CEP78: variants seen among roughly 807,000 people sequenced by gnomAD.
CEP78 encodes the protein centrosomal protein 78, also known as centrosomal protein of 78 kDa.
CEP78 carries 76 observed loss-of-function variants against 81.2 expected under a neutral mutation model. The ratio of observed to expected loss-of-function variants is 0.94; its 90% CI spans 0.78 to 1.13. CEP78 has a LOEUF of 1.13. Among genes scored for constraint, CEP78 ranks in the 50% most tolerant of loss-of-function variants. CEP78 has a pLI of 0.00. For missense variants in CEP78, 918 were observed against 846.8 expected, an observed-to-expected ratio of 1.08 and a Z score of -1.04; for synonymous variants, 293 against 301.4, an observed-to-expected ratio of 0.97 and a Z score of 0.29.
At chr9:78,242,599 T>A (rs1268049502) in intron 4 of CEP78, among the ~76,000 whole-genome samples, 2 of 152,244 alleles carry the variant, frequency 1.3e-5, no homozygotes, top group Non-Finnish European at 2.9e-5. Context: ...ATCTAAGTGT[T>A]TGCTGTTATT....
intron 11 of CEP78, among the ~76,000 whole-genome samples, chr9:78,256,760 T>C (rs568824451): frequency 5.9e-5 from 9 of 152,032 alleles, no homozygotes; most frequent in Non-Finnish European, 1.0e-4. Flanking sequence ...TATGTCCTGA[T>C]AGGACCAGAG....
At chr9:78,250,717 C>T (rs1421967712) in intron 8 of CEP78, among the ~76,000 whole-genome samples, 2 of 151,912 alleles carry the variant, frequency 1.3e-5, no homozygotes, top group South Asian at 2.1e-4. Context: ...CCAGCCTGGG[C>T]GACAGAGCGA....
chr9:78,248,469 C>A, intron 7 of CEP78, 114 bp downstream of exon 7: 3 of 700,512 alleles, frequency 4.3e-6, no homozygotes, highest in South Asian at 3.4e-5. Context: ...GATCTTCCCC[C>A]TTCCCAGCTT....
chr9:78,238,698 A>G (rs1474711935), intron 1 of CEP78, among the ~76,000 whole-genome samples: 7 of 152,164 alleles, frequency 4.6e-5, no homozygotes, highest in African/African-American at 1.7e-4. Flanking sequence ...ATTATTCTCT[A>G]CATCTCATTC....
chr9:78,236,725 G>A (rs1283054058), intron 1 of CEP78, 122 bp downstream of exon 1: 19 of 1,296,252 alleles, frequency 1.5e-5, no homozygotes, highest in Non-Finnish European at 2.0e-5. Flanking sequence ...ACACTCACGA[G>A]CTAGGTGAGT....
rs757369088 is a variant in CEP78 at position 78,241,678 on chromosome 9, T to G, written c.500-18T>G. On this transcript the variant is annotated intron_variant, in intron 3 of 16. Coordinates refer to ENST00000643273, the MANE Select transcript of CEP78 (RefSeq NM_001330691.3). ...ATGCTCTTCATCTTATTGTATGTGG[T>G]TTTTTTTTCCATTTTAGTTATTTGT... The G allele has an allele frequency of 1.7e-5, 21 of 1,252,546 alleles. No homozygotes were observed. The highest frequency in any genetic ancestry group is 2.3e-5 in the East Asian group (1 of 42,606). 77.6% of individuals were successfully genotyped at this position (1,252,546 alleles called of 1,614,324 possible). A position where few individuals can be genotyped will look rare whatever the true frequency, so the allele number is the denominator to read the frequency against.
rs1826334768 is a variant in CEP78 at position 78,243,583 on chromosome 9, A to C, written c.725A>C (p.Asp242Ala). The C allele has an allele frequency of 2.5e-6, 4 of 1,613,892 alleles. No individual in the cohort carries two copies. The African/African-American group carries it at 4.0e-5, about 16-fold the overall frequency. ...CTGAATTGCAACACACTTATTGGTG[A>C]CCTAGGTGCATGTGCTTTTGCAGAC... Reference protein sequence around the residue: ...ITLNCNTLIGDLGACAFADSL... With the variant: ...ITLNCNTLIGALGACAFADSL... The change falls in exon 5 of 17, where the codon GAC becomes GCC. Residue 242 changes from aspartate to alanine, a missense_variant. Asp to Ala is a moderately radical substitution (Grantham distance 126). Coordinates refer to ENST00000643273, the MANE Select transcript of CEP78 (RefSeq NM_001330691.3).
chr9:78,267,845 C>T (rs1035348320), intron 16 of CEP78, among the ~76,000 whole-genome samples: 30 of 152,028 alleles, frequency 2.0e-4, no homozygotes, highest in African/African-American at 7.2e-4. Context: ...TAAGTCCTTT[C>T]CTACAACCAG....
At chr9:78,244,101 C>T (rs1448775866) in intron 5 of CEP78, among the ~76,000 whole-genome samples, 5 of 147,000 alleles carry the variant, frequency 3.4e-5, no homozygotes, top group African/African-American at 1.3e-4. Flanking sequence ...TAGTAAACTC[C>T]TTATGTATAC....
At chr9:78,242,390 C>T (rs1301929253) in intron 4 of CEP78, among the ~76,000 whole-genome samples, 1 of 152,150 alleles carries the variant, frequency 6.6e-6, no homozygotes, top group Non-Finnish European at 1.5e-5. Flanking sequence ...ATAATGGTTA[C>T]TCATGTGGAT....
intron 16 of CEP78, among the ~76,000 whole-genome samples, chr9:78,268,563 G>A (rs1030334489): frequency 6.6e-6 from 1 of 152,042 alleles, no homozygotes; most frequent in Non-Finnish European, 1.5e-5. Context: ...TTTCTGAAGA[G>A]CATTTGTCTT....
chr9:78,258,161 C>T (rs745465504), intron 11 of CEP78, among the ~76,000 whole-genome samples: 1 of 152,096 alleles, frequency 6.6e-6, no homozygotes, highest in East Asian at 1.9e-4. Flanking sequence ...TCAGAATAAC[C>T]TGTGGTAGGT....
chr9:78,266,797 C>G (rs375518544), intron 16 of CEP78, 94 bp downstream of exon 16: 1 of 1,522,542 alleles, frequency 6.6e-7, no homozygotes, highest in African/African-American at 1.4e-5. Context: ...AGCAAAGAAA[C>G]TAGGGAAACT....
intron 4 of CEP78, among the ~76,000 whole-genome samples, chr9:78,242,492 A>G (rs1826283071): frequency 6.6e-6 from 1 of 152,174 alleles, no homozygotes; most frequent in Non-Finnish European, 1.5e-5. Flanking sequence ...TCTGTTCCTC[A>G]GTTTTCTTAT....
rs780102526 is a variant in CEP78, at chr9:78,265,493, G to A, written c.1747G>A (p.Glu583Lys). 6.1e-5 allele frequency: 97 copies of A among 1,585,280 alleles called. 1 individual carries two copies. Among genetic ancestry groups the A allele is most frequent in the Middle Eastern group, 1.7e-4 (1 of 6,032 alleles). The change falls in exon 14 of 17, where the codon GAA becomes AAA. Residue 583 changes from glutamate to lysine, a missense_variant. Physicochemically the swap from Glu to Lys is moderately conservative, Grantham distance 56. Coordinates refer to ENST00000643273, the MANE Select transcript of CEP78 (RefSeq NM_001330691.3). ...AGAAGAAAAGAAGGCGCTTGAAGAT[G>A]AAAAACCAGAACCGAAGCAGAATGC... The part of the protein sequence containing the change: ...PKEEKKALED[E>K]KPEPKQNALG...
chr9:78,272,505 T>A lies in CEP78; in HGVS notation c.*1654T>A, dbSNP rs1827715001. The stretch of plus-strand genomic sequence containing the variant: ...AACAAAGTCCAACCAAAGTTCTAGG[T>A]TTGAACATGAATGGAGGCATGGCAG... On this transcript the variant is annotated 3_prime_UTR_variant, in exon 17 of 17. Coordinates refer to ENST00000643273, the MANE Select transcript of CEP78 (RefSeq NM_001330691.3). 6.6e-6 allele frequency: 1 copy of A among 152,100 alleles called. No homozygotes were observed. Among genetic ancestry groups the A allele is most frequent in the African/African-American group, 2.4e-5 (1 of 41,404 alleles). The allele number at this position is 152,100 out of a possible 1,614,324, so 9.4% of individuals were successfully genotyped here. A position where few individuals can be genotyped will look rare whatever the true frequency, so the allele number is the denominator to read the frequency against.
At chr9:78,267,859 A>G (rs1827600868) in intron 16 of CEP78, among the ~76,000 whole-genome samples, 2 of 152,074 alleles carry the variant, frequency 1.3e-5, no homozygotes, top group South Asian at 4.1e-4. Context: ...CAACCAGACT[A>G]TGACTTGAGA....
In CEP78 at chr9:78,254,816, T is replaced by C. The variant is rs1826935756; in HGVS notation, c.1252-20T>C. 6.3e-7 allele frequency: 1 copy of C among 1,592,414 alleles called. No individual in the cohort carries two copies. Among genetic ancestry groups the C allele is most frequent in the South Asian group, 1.1e-5 (1 of 89,288 alleles). On this transcript the variant is annotated intron_variant, in intron 10 of 16. Transcript: ENST00000643273. ...GTATTCGGTTTATATTATTATACAA[T>C]CTTGTCCTCTTTTTTTAAGCAACCA...
intron 16 of CEP78, among the ~76,000 whole-genome samples, chr9:78,267,814 C>T (rs568786915): frequency 6.6e-6 from 1 of 152,156 alleles, no homozygotes; most frequent in African/African-American, 2.4e-5. Flanking sequence ...AAATACCCCT[C>T]CCTGGTAAAA....
Sources: allele counts gnomAD v4.1 joint callset (sites outside exome capture counted in the v4.1 genomes callset), GRCh38; gene constraint gnomAD v4.1.1; transcripts MANE v1.5; gene names NCBI Gene and HGNC (gene_info 2026-07-23, HGNC 2026-07-21).